CD163L1: variants seen among roughly 807,000 people sequenced by gnomAD.
CD163L1 encodes the protein scavenger receptor cysteine-rich type 1 protein M160.
A neutral mutation model predicts 165.4 loss-of-function variants in CD163L1; 124 were observed. The ratio of observed to expected loss-of-function variants is 0.75; its 90% confidence interval spans 0.65 to 0.87. CD163L1 has a LOEUF of 0.87. Among genes scored for constraint, CD163L1 ranks in the 40% least tolerant of loss-of-function variants. CD163L1 has a pLI of 0.00. For missense variants in CD163L1, 1,525 were observed against 1,799.9 expected (o/e 0.85, Z 2.76); for synonymous variants, 585 against 662.2 (o/e 0.88, Z 1.79).
At chr12:7,397,357 T>C (rs1947799126) in intron 7 of CD163L1, among the ~76,000 whole-genome samples, 1 of 152,160 alleles carries the variant, frequency 6.6e-6, no homozygotes, top group African/African-American at 2.4e-5. Flanking sequence ...GGAAAGAAAC[T>C]CGTGTCTCTT....
In CD163L1 at chr12:7,438,000, T is replaced by C. The variant is rs1413701548; in HGVS notation, c.124+3154A>G. On this transcript the variant is annotated intron_variant, in intron 2 of 19. Transcript: ENST00000313599. Reference sequence around the variant, plus strand: ...GTTCCCCCTTCTGGTCCTTGTACTTTTACATGCATAATCTTTTTTAAAATT... The same window carrying C: ...GTTCCCCCTTCTGGTCCTTGTACTTCTACATGCATAATCTTTTTTAAAATT... Among the ~76,000 whole-genome samples the C allele has an allele frequency of 2.0e-5, 3 of 152,150 alleles. No individual in the cohort carries two copies. In the East Asian group the frequency reaches 5.8e-4, roughly 29 times the overall value.
the CD163L1 span, among the ~76,000 whole-genome samples, chr12:7,327,887 C>T: frequency 0.033 from 5,078 of 152,164 alleles, 111 homozygotes; most frequent in Middle Eastern, 0.061. Context: ...ACTGTATATA[C>T]TCCAAATTAT....
At chr12:7,323,942 C>T in the CD163L1 span, among the ~76,000 whole-genome samples, 1 of 151,938 alleles carries the variant, frequency 6.6e-6, no homozygotes, top group African/African-American at 2.4e-5. Context: ...TTTAGGAGGC[C>T]GAGGTGGGAG....
chr12:7,419,325 CATCAGCAAA>C (rs1948304358), intron 4 of CD163L1, among the ~76,000 whole-genome samples: 1 of 151,682 alleles, frequency 6.6e-6, no homozygotes, highest in Admixed American at 6.6e-5. Context: ...TGATTAAAAC[CATCAGCAAA>C]ATCAGCATAG....
chr12:7,442,157 A>T, intron 1 of CD163L1, among the ~76,000 whole-genome samples: 1 of 152,360 alleles, frequency 6.6e-6, no homozygotes, highest in Middle Eastern at 3.4e-3. Flanking sequence ...AATATTTATC[A>T]TCCTGTTTAC....
At chr12:7,426,013 T>C (rs1487538492) in intron 4 of CD163L1, among the ~76,000 whole-genome samples, 1 of 152,114 alleles carries the variant, frequency 6.6e-6, no homozygotes, top group Non-Finnish European at 1.5e-5. Context: ...GCAGTACTAT[T>C]TACAAAAGCA....
At chr12:7,338,082 G>A in the CD163L1 span, among the ~76,000 whole-genome samples, 11 of 152,190 alleles carry the variant, frequency 7.2e-5, no homozygotes, top group East Asian at 1.4e-3. Context: ...ACTGAACACC[G>A]CATGTTCTCA....
At chr12:7,388,629 A>C (rs773963563) in intron 8 of CD163L1, among the ~76,000 whole-genome samples, 1 of 151,998 alleles carries the variant, frequency 6.6e-6, no homozygotes, top group African/African-American at 2.4e-5. Flanking sequence ...CAGTGGTCCT[A>C]GCTACTTGGG....
intron 1 of CD163L1, 92 bp from the exon 2 acceptor site, chr12:7,441,338 G>C: frequency 1.1e-6 from 1 of 877,656 alleles, no homozygotes; most frequent in South Asian, 1.5e-5. Context: ...TAAAATAGAA[G>C]GAGTAAGATG....
chr12:7,329,041 T>C, the CD163L1 span, among the ~76,000 whole-genome samples: 2 of 148,300 alleles, frequency 1.3e-5, no homozygotes, highest in African/African-American at 4.9e-5. Context: ...TACTGATGTA[T>C]CTGTATATAT....
At chr12:7,436,645 A>C (rs1948717236) in intron 2 of CD163L1, among the ~76,000 whole-genome samples, 1 of 152,114 alleles carries the variant, frequency 6.6e-6, no homozygotes, top group South Asian at 2.1e-4. Context: ...AGTGGCACAC[A>C]TCTGTAGCTG....
intron 8 of CD163L1, among the ~76,000 whole-genome samples, chr12:7,388,816 G>A (rs73059746): frequency 0.044 from 6,694 of 151,242 alleles, 227 homozygotes; most frequent in Non-Finnish European, 0.066. Flanking sequence ...ATAACAATAT[G>A]GAGATTTCTC....
At chr12:7,362,887 A>T (rs1946933106) in intron 18 of CD163L1, among the ~76,000 whole-genome samples, 1 of 151,628 alleles carries the variant, frequency 6.6e-6, no homozygotes, top group Non-Finnish European at 1.5e-5. Context: ...CAACAAGTGG[A>T]TAAAGAAAAT....
chr12:7,427,701 C>T (rs1948568592), intron 4 of CD163L1, among the ~76,000 whole-genome samples: 2 of 152,032 alleles, frequency 1.3e-5, no homozygotes, highest in Admixed American at 1.3e-4. Flanking sequence ...GGTCAGATAG[C>T]AAGAATTTGA....
chr12:7,417,121 AG>A (rs1948258824), intron 4 of CD163L1, among the ~76,000 whole-genome samples: 1 of 152,092 alleles, frequency 6.6e-6, no homozygotes, highest in Admixed American at 6.6e-5. Flanking sequence ...CTCCTTGAAG[AG>A]GTCCTTCATG....
intron 18 of CD163L1, 109 bp downstream of exon 18, chr12:7,367,127 T>A: frequency 1.9e-6 from 1 of 536,718 alleles, no homozygotes; most frequent in Non-Finnish European, 3.3e-6. Context: ...GCGTATTTTG[T>A]ATAAGAGGCT....
intron 1 of CD163L1, 65 bp from the exon 2 acceptor site, chr12:7,441,311 A>G (rs1053062183): frequency 1.7e-6 from 2 of 1,143,284 alleles, no homozygotes; most frequent in African/African-American, 1.5e-5. Flanking sequence ...GATGACCTCA[A>G]TGACTTAAAT....
At chr12:7,378,867 G>T in intron 9 of CD163L1, 111 bp downstream of exon 9, 1 of 878,116 alleles carries the variant, frequency 1.1e-6, no homozygotes. Flanking sequence ...CTTTTATCTA[G>T]TTCATTTACT....
intron 19 of CD163L1, among the ~76,000 whole-genome samples, chr12:7,355,487 A>G (rs1591864852): frequency 6.6e-6 from 1 of 152,286 alleles, no homozygotes; most frequent in African/African-American, 2.4e-5. Flanking sequence ...TAATCTTTCA[A>G]AAGTTTTTAG....
Sources: gnomAD v4.1 joint callset for allele counts (sites outside exome capture counted in the v4.1 genomes callset) on GRCh38, gnomAD v4.1.1 for gene constraint, MANE v1.5 for transcripts, NCBI Gene and HGNC (gene_info 2026-07-23, HGNC 2026-07-21) for gene names.